The following TNN variants were observed in gnomAD, a reference collection of about 807,000 sequenced individuals.
TNN encodes the protein tenascin-N.
In TNN, 122 loss-of-function variants were observed where a neutral mutation model predicts 134.4. That is an observed-to-expected ratio of 0.91 (90% CI 0.78 to 1.06). The LOEUF is 1.06. Among genes scored for constraint, TNN ranks in the 50% least tolerant of loss-of-function variants. The pLI is 0.00. For missense variants in TNN, 1,739 were observed against 1,699.4 expected (o/e 1.02, Z -0.41); for synonymous variants, 710 against 670.3 (o/e 1.06, Z -0.91).
At chr1:175,110,914 C>T (rs539773798) in intron 9 of TNN, among the ~76,000 whole-genome samples, 3 of 152,214 alleles carry the variant, frequency 2.0e-5, no homozygotes, top group East Asian at 1.9e-4. Context: ...GTGGCTCATG[C>T]CTGTAATCCC....
At chr1:175,143,184 G>C (rs1391563702) in intron 17 of TNN, among the ~76,000 whole-genome samples, 1 of 152,134 alleles carries the variant, frequency 6.6e-6, no homozygotes, top group African/African-American at 2.4e-5. Flanking sequence ...TTTCCCCACG[G>C]GACTAAGAGC....
In TNN at chr1:175,079,521, C is replaced by A. The variant is rs765430450; in HGVS notation, c.598C>A (p.Pro200Thr). 5 of 1,562,856 alleles carry A rather than the reference C, an allele frequency of 3.2e-6. No homozygotes were observed. Among genetic ancestry groups the A allele is most frequent in the Non-Finnish European group, 3.5e-6 (4 of 1,154,960 alleles). ...EPYVGADCGY[P>T]ACPENCSGHG... The stretch of plus-strand genomic sequence containing the variant: ...CTACGTGGGTGCCGACTGCGGCTAC[C>A]CGGCCTGCCCTGAGAACTGCAGCGG... Residue 200 changes from proline to threonine, a missense_variant, in exon 3 of 19, where the codon CCG becomes ACG. By Grantham distance (38) the Pro-to-Thr change is conservative. Coordinates refer to ENST00000239462, the MANE Select transcript of TNN (RefSeq NM_022093.2).
intron 15 of TNN, among the ~76,000 whole-genome samples, chr1:175,132,918 C>T (rs1675710423): frequency 6.6e-6 from 1 of 152,224 alleles, no homozygotes; most frequent in African/African-American, 2.4e-5. Flanking sequence ...ATAAAGAAGG[C>T]ACAAATATCA....
At chr1:175,099,505 G>A (rs868733217) in intron 9 of TNN, among the ~76,000 whole-genome samples, 2 of 150,988 alleles carry the variant, frequency 1.3e-5, no homozygotes, top group Non-Finnish European at 3.0e-5. Context: ...TCAGGAGGAG[G>A]ACAAGTGAGG....
chr1:175,131,956 AT>A (rs1675685409), intron 15 of TNN, among the ~76,000 whole-genome samples: 2 of 150,608 alleles, frequency 1.3e-5, no homozygotes, highest in African/African-American at 4.9e-5. Flanking sequence ...ACACACACAC[AT>A]CGCTGGAAAG....
intron 10 of TNN, among the ~76,000 whole-genome samples, chr1:175,117,540 A>T (rs1036604108): frequency 6.6e-6 from 1 of 152,200 alleles, no homozygotes; most frequent in Non-Finnish European, 1.5e-5. Context: ...TTTTGTTAAT[A>T]ATAATAGTAT....
chr1:175,116,486 T>A (rs1384175163), intron 9 of TNN, among the ~76,000 whole-genome samples: 1 of 152,218 alleles, frequency 6.6e-6, no homozygotes, highest in Non-Finnish European at 1.5e-5. Context: ...TAGTAAGTTA[T>A]GAAATTAGTT....
Position 175,077,785 on chromosome 1 carries a change from A to C in TNN, c.367A>C (p.Lys123Gln). 6.2e-7 allele frequency: 1 copy of C among 1,614,204 alleles called. No homozygotes were observed. The highest frequency in any genetic ancestry group is 2.2e-5 in the East Asian group (1 of 44,884). Reference protein sequence around the residue: ...KKLEEEMVEMKEQCSAQRCCQ... With the variant: ...KKLEEEMVEMQEQCSAQRCCQ... ...GCTGGAGGAAGAGATGGTGGAGATG[A>C]AGGAACAGTGTAGTGCCCAGCGCTG... The change falls in exon 2 of 19, where the codon AAG (lysine) becomes CAG (glutamine). Residue 123 changes from lysine (K) to glutamine (Q), a missense_variant. Coordinates refer to ENST00000239462, the MANE Select transcript of TNN (RefSeq NM_022093.2).
At chr1:175,099,840 T>C (rs1033809670) in intron 9 of TNN, among the ~76,000 whole-genome samples, 2 of 152,096 alleles carry the variant, frequency 1.3e-5, no homozygotes, top group African/African-American at 2.4e-5. Flanking sequence ...CTTGGGTCTC[T>C]CACTGTAGGC....
At chr1:175,125,811 C>CCT (rs1379878835) in intron 12 of TNN, among the ~76,000 whole-genome samples, 6 of 134,246 alleles carry the variant, frequency 4.5e-5, no homozygotes, top group East Asian at 2.2e-4. Flanking sequence ...CCTTCCTTCC[C>CCT]TCCCTCCCTC....
At position 175,080,431 on chromosome 1, in the gene TNN, G is replaced by T; in HGVS notation, c.1048+5G>T. 1 of 1,613,300 alleles carries T rather than the reference G, an allele frequency of 6.2e-7. No individual in the cohort carries two copies. The highest frequency in any genetic ancestry group is 8.5e-7 in the Non-Finnish European group (1 of 1,179,348). ...AGCATCTACTTGCCACCACAGGTGA[G>T]GAAGCCACCTGATGCCCCAGGGTTC... On this transcript the variant is annotated splice_donor_5th_base_variant and intron_variant, in intron 4 of 18. Transcript: ENST00000239462.
chr1:175,102,173 A>T (rs1299182518), intron 9 of TNN, among the ~76,000 whole-genome samples: 1 of 145,904 alleles, frequency 6.9e-6, no homozygotes, highest in Non-Finnish European at 1.5e-5. Flanking sequence ...GTGTGTTTAC[A>T]ATCCCTGAGC....
At chr1:175,122,389 A>T (rs1350431796) in intron 11 of TNN, among the ~76,000 whole-genome samples, 1 of 152,172 alleles carries the variant, frequency 6.6e-6, no homozygotes, top group Non-Finnish European at 1.5e-5. Context: ...CTCTGTATCA[A>T]CAAAACAAAA....
At chr1:175,134,572 A>G (rs965422737) in intron 15 of TNN, among the ~76,000 whole-genome samples, 6 of 152,136 alleles carry the variant, frequency 3.9e-5, no homozygotes, top group African/African-American at 9.6e-5. Context: ...CAACAACAAC[A>G]AAAATAAATA....
At position 175,079,654 on chromosome 1, in the gene TNN, A is replaced by G. The variant is rs781132776; in HGVS notation, c.731A>G (p.Asp244Gly). 6.2e-7 allele frequency: 1 copy of G among 1,609,492 alleles called. No individual in the cohort carries two copies. The highest frequency in any genetic ancestry group is 1.1e-5 in the South Asian group (1 of 90,510). Reference protein sequence around the residue: ...PGDCSGHGFCDTGECYCEEGF... With the variant: ...PGDCSGHGFCGTGECYCEEGF... ...GACTGCAGCGGCCACGGCTTCTGTG[A>G]CACGGGCGAGTGCTACTGCGAGGAG... Residue 244 changes from aspartate to glycine, a missense_variant, in exon 3 of 19, where the codon GAC (aspartate) becomes GGC (glycine). Coordinates refer to ENST00000239462, the MANE Select transcript of TNN (RefSeq NM_022093.2).
At chr1:175,134,798 C>A (rs891215265) in intron 15 of TNN, among the ~76,000 whole-genome samples, 4 of 152,112 alleles carry the variant, frequency 2.6e-5, no homozygotes, top group African/African-American at 9.7e-5. Context: ...TGTCCCCCTT[C>A]ATCTGCACTC....
intron 15 of TNN, among the ~76,000 whole-genome samples, chr1:175,135,091 T>C (rs74126913): frequency 0.011 from 1,634 of 152,252 alleles, 35 homozygotes; most frequent in African/African-American, 0.037. Context: ...CTCCTACTCA[T>C]CCTGCAGCTC....
rs1424859089 is a variant in TNN at position 175,127,088 on chromosome 1, A to G, written c.3045+3A>G. On this transcript the variant is annotated splice_donor_region_variant and intron_variant, in intron 13 of 18. Transcript: ENST00000239462. ...AGTTCCCAGATGGCACAGTTAAGGT[A>G]CGGGGATTCCTTGTCTTTTCTCCTG... The G allele has an allele frequency of 6.8e-6, 11 of 1,612,274 alleles. No homozygotes were observed. Among genetic ancestry groups the G allele is most frequent in the Non-Finnish European group, 8.5e-6 (10 of 1,179,524 alleles).
chr1:175,083,352 G>A (rs969545386), intron 4 of TNN, among the ~76,000 whole-genome samples: 29 of 152,192 alleles, frequency 1.9e-4, no homozygotes, highest in East Asian at 5.8e-4. Flanking sequence ...TCCTGAGGTC[G>A]TCTTAGAGGG....
Sources: allele counts gnomAD v4.1 joint callset (sites outside exome capture counted in the v4.1 genomes callset), GRCh38; gene constraint gnomAD v4.1.1; transcripts MANE v1.5; gene names NCBI Gene and HGNC (gene_info 2026-07-23, HGNC 2026-07-21).